RBFOX1: variants seen among roughly 807,000 people sequenced by gnomAD.
RBFOX1 encodes RNA binding protein fox-1 homolog 1.
In RBFOX1, 8 loss-of-function variants were observed where a neutral mutation model predicts 57.7. That is an observed-to-expected ratio of 0.14 (90% confidence interval 0.08 to 0.25). The LOEUF (loss-of-function observed/expected upper bound fraction) is 0.25, where lower values mean the gene tolerates loss of function less well. Among genes scored for constraint, RBFOX1 ranks in the 10% least tolerant of loss-of-function variants. The pLI is 1.00. For missense variants in RBFOX1, 611 were observed against 548.5 expected (o/e 1.11, Z -1.14); for synonymous variants, 326 against 222.4 (o/e 1.47, Z -4.15).
chr16:5,255,540 T>G (rs1468439302), intron 1 of RBFOX1, among the ~76,000 whole-genome samples: 1 of 151,052 alleles, frequency 6.6e-6, no homozygotes, highest in Non-Finnish European at 1.5e-5. Context: ...ACCCATTCAC[T>G]CATCTAACCA....
At chr16:5,875,673 C>G (rs2057589330) in intron 4 of RBFOX1, among the ~76,000 whole-genome samples, 1 of 152,164 alleles carries the variant, frequency 6.6e-6, no homozygotes, top group African/African-American at 2.4e-5. Context: ...TTCCTGGCGT[C>G]TGAACCCACA....
intron 14 of RBFOX1, among the ~76,000 whole-genome samples, chr16:7,701,396 G>C (rs1279529627): frequency 7.2e-5 from 11 of 152,160 alleles, no homozygotes; most frequent in Non-Finnish European, 1.6e-4. Flanking sequence ...ACCAGTGGCA[G>C]CATTAGATTC....
chr16:6,143,301 A>G (rs1226779646), intron 1 of RBFOX1, among the ~76,000 whole-genome samples: 3 of 152,254 alleles, frequency 2.0e-5, no homozygotes, highest in African/African-American at 7.2e-5. Flanking sequence ...TAATGAAAAC[A>G]TATTCTTAGC....
At chr16:6,646,070 A>G (rs893031446) in intron 2 of RBFOX1, among the ~76,000 whole-genome samples, 4 of 143,620 alleles carry the variant, frequency 2.8e-5, no homozygotes, top group Middle Eastern at 3.6e-3. Context: ...CTTGGTGATG[A>G]GTCCACAGCT....
chr16:6,895,769 A>C (rs1175500825), intron 3 of RBFOX1, among the ~76,000 whole-genome samples: 1 of 152,052 alleles, frequency 6.6e-6, no homozygotes, highest in East Asian at 1.9e-4. Context: ...GCCCTAAGAC[A>C]GGTTGAAATC....
At chr16:6,673,024 C>G (rs1314224623) in intron 3 of RBFOX1, among the ~76,000 whole-genome samples, 1 of 152,152 alleles carries the variant, frequency 6.6e-6, no homozygotes, top group Admixed American at 6.5e-5. Flanking sequence ...GGAACCACAA[C>G]AGGGGAAAGA....
intron 4 of RBFOX1, among the ~76,000 whole-genome samples, chr16:7,191,065 G>C (rs79807695): frequency 0.037 from 5,701 of 152,122 alleles, 151 homozygotes; most frequent in South Asian, 0.091. Flanking sequence ...CCTTGGATGT[G>C]AGTGTGATAT....
chr16:6,933,541 C>T (rs2076897833), intron 3 of RBFOX1, among the ~76,000 whole-genome samples: 1 of 152,188 alleles, frequency 6.6e-6, no homozygotes, highest in Non-Finnish European at 1.5e-5. Flanking sequence ...GGTGAAATCT[C>T]TTCTCTACTA....
chr16:6,020,532 C>T (rs1036227746), intron 1 of RBFOX1, among the ~76,000 whole-genome samples: 4 of 152,082 alleles, frequency 2.6e-5, no homozygotes, highest in Admixed American at 2.0e-4. Flanking sequence ...GCACTGGAAT[C>T]GATGCCCCGC....
intron 3 of RBFOX1, among the ~76,000 whole-genome samples, chr16:5,803,059 G>C (rs1199460971): frequency 6.6e-6 from 1 of 152,262 alleles, no homozygotes; most frequent in South Asian, 2.1e-4. Context: ...AATGGATGCA[G>C]TTGCAGACCA....
At chr16:5,794,515 T>C (rs185359153) in intron 3 of RBFOX1, among the ~76,000 whole-genome samples, 2 of 152,044 alleles carry the variant, frequency 1.3e-5, no homozygotes, top group East Asian at 1.9e-4. Flanking sequence ...AGCGTGCGTG[T>C]GTGTGTGTGT....
chr16:6,345,553 G>C (rs1022651388), intron 2 of RBFOX1, among the ~76,000 whole-genome samples: 1 of 152,150 alleles, frequency 6.6e-6, no homozygotes, highest in African/African-American at 2.4e-5. Context: ...CCCACATCCA[G>C]AGTCAGTTGC....
intron 4 of RBFOX1, among the ~76,000 whole-genome samples, chr16:7,165,416 A>C (rs1247075128): frequency 6.8e-6 from 1 of 147,920 alleles, no homozygotes; most frequent in Admixed American, 6.8e-5. Context: ...TAATGATAAT[A>C]ATCATTATTA....
At chr16:5,369,330 A>T (rs534950145) in intron 1 of RBFOX1, among the ~76,000 whole-genome samples, 1 of 152,176 alleles carries the variant, frequency 6.6e-6, no homozygotes, top group South Asian at 2.1e-4. Context: ...AAAATAAGCA[A>T]CATTTCTACC....
At chr16:5,855,846 C>A (rs1429047360) in intron 3 of RBFOX1, among the ~76,000 whole-genome samples, 1 of 151,578 alleles carries the variant, frequency 6.6e-6, no homozygotes, top group Non-Finnish European at 1.5e-5. Flanking sequence ...TTAATCCTAT[C>A]CGTGAATATC....
intron 2 of RBFOX1, among the ~76,000 whole-genome samples, chr16:5,522,195 C>A (rs1316912051): frequency 2.0e-5 from 3 of 152,246 alleles, no homozygotes; most frequent in African/African-American, 7.2e-5. Context: ...GAATTAAGAT[C>A]TAGGTTCAAA....
At chr16:6,719,815 G>C (rs183421440) in intron 3 of RBFOX1, among the ~76,000 whole-genome samples, 2 of 151,952 alleles carry the variant, frequency 1.3e-5, no homozygotes, top group African/African-American at 2.4e-5. Flanking sequence ...AATGGAGCCC[G>C]GGCATGGCTG....
chr16:5,978,755 G>C (rs540820484), intron 4 of RBFOX1, among the ~76,000 whole-genome samples: 1 of 151,430 alleles, frequency 6.6e-6, no homozygotes, highest in African/African-American at 2.4e-5. Flanking sequence ...TGTACATCCA[G>C]TCTGGGTTTG....
At chr16:6,583,038 C>CTG (rs1458006810) in intron 2 of RBFOX1, among the ~76,000 whole-genome samples, 1 of 151,534 alleles carries the variant, frequency 6.6e-6, no homozygotes, top group African/African-American at 2.4e-5. Flanking sequence ...ATGTCTCTCT[C>CTG]TCTCTCACCC....
Sources: allele counts gnomAD v4.1 joint callset (sites outside exome capture counted in the v4.1 genomes callset), GRCh38; gene constraint gnomAD v4.1.1; transcripts MANE v1.5; gene names NCBI Gene and HGNC (gene_info 2026-07-23, HGNC 2026-07-21).